Variants in SH3PXD2A observed in about 807,000 individuals in gnomAD.
The protein encoded by SH3PXD2A is SH3 and PX domains 2A, also known as SH3 and PX domain-containing protein 2A.
SH3PXD2A carries 32 observed loss-of-function variants against 115.2 expected under a neutral mutation model. The observed-to-expected ratio is 0.28, with a 90% CI of 0.21 to 0.37. The LOEUF (loss-of-function observed/expected upper bound fraction) is 0.37, where lower values mean the gene tolerates loss of function less well. SH3PXD2A is among the 10% of genes least tolerant of loss of function. The pLI, the probability that SH3PXD2A is intolerant of heterozygous loss-of-function variation, is 1.00. For synonymous variants in SH3PXD2A, 610 were observed against 629.1 expected, an observed-to-expected ratio of 0.97 and a Z score of 0.45; for missense variants, 1,328 against 1,498.7, an observed-to-expected ratio of 0.89 and a Z score of 1.88.
intron 7 of SH3PXD2A, among the ~76,000 whole-genome samples, chr10:103,662,854 G>C (rs1352542497): frequency 6.6e-6 from 1 of 152,104 alleles, no homozygotes; most frequent in African/African-American, 2.4e-5. Context: ...GCCCAGGCTG[G>C]AATGCAGTGG....
chr10:103,812,093 C>T (rs2039276671), intron 1 of SH3PXD2A, among the ~76,000 whole-genome samples: 1 of 152,248 alleles, frequency 6.6e-6, no homozygotes, highest in Non-Finnish European at 1.5e-5. Flanking sequence ...GAGTTCTGGG[C>T]ATGTCACCAC....
At chr10:103,683,183 G>A (rs2037633113) in intron 6 of SH3PXD2A, among the ~76,000 whole-genome samples, 1 of 152,002 alleles carries the variant, frequency 6.6e-6, no homozygotes, top group Non-Finnish European at 1.5e-5. Flanking sequence ...AACAAAGCGA[G>A]ACCCTGTTTC....
chr10:103,708,391 G>T (rs767085373), intron 5 of SH3PXD2A, among the ~76,000 whole-genome samples: 1 of 152,150 alleles, frequency 6.6e-6, no homozygotes, highest in African/African-American at 2.4e-5. Context: ...TCAGTGGGAG[G>T]TTGGAGCCCA....
chr10:103,628,625 A>G (rs1041455782), intron 8 of SH3PXD2A, among the ~76,000 whole-genome samples: 1 of 152,136 alleles, frequency 6.6e-6, no homozygotes, highest in African/African-American at 2.4e-5. Context: ...GAGAGGTAAC[A>G]GGATCACTTC....
intron 2 of SH3PXD2A, among the ~76,000 whole-genome samples, chr10:103,776,334 A>C (rs2038877418): frequency 6.7e-6 from 1 of 150,320 alleles, no homozygotes; most frequent in African/African-American, 2.5e-5. Flanking sequence ...TTGAGGCTGC[A>C]GTGAGCCATG....
At chr10:103,833,375 T>C (rs2134306550) in intron 1 of SH3PXD2A, among the ~76,000 whole-genome samples, 1 of 152,298 alleles carries the variant, frequency 6.6e-6, no homozygotes, top group Admixed American at 6.5e-5. Context: ...AACTGACCCA[T>C]CTGACATAAA....
intron 6 of SH3PXD2A, among the ~76,000 whole-genome samples, chr10:103,675,817 T>G (rs1056891111): frequency 4.6e-5 from 7 of 152,130 alleles, no homozygotes; most frequent in African/African-American, 1.7e-4. Context: ...CTGAGGTGGG[T>G]GGATCATCTG....
intron 3 of SH3PXD2A, among the ~76,000 whole-genome samples, chr10:103,751,244 C>A (rs540876212): frequency 3.9e-5 from 6 of 152,314 alleles, no homozygotes; most frequent in African/African-American, 1.4e-4. Flanking sequence ...ATAGATAGGT[C>A]ATTCAGTCAT....
intron 1 of SH3PXD2A, 117 bp from the exon 2 acceptor site, chr10:103,801,479 C>G: frequency 1.5e-6 from 1 of 660,170 alleles, no homozygotes; most frequent in Non-Finnish European, 2.8e-6. Flanking sequence ...TTACTCATCT[C>G]ATCTGTCCCT....
At chr10:103,688,352 C>G (rs887917003) in intron 6 of SH3PXD2A, among the ~76,000 whole-genome samples, 3 of 152,210 alleles carry the variant, frequency 2.0e-5, no homozygotes, top group Non-Finnish European at 4.4e-5. Context: ...CCAGTGGACC[C>G]TGGGGCTGGT....
chr10:103,744,672 T>C (rs1236530991), intron 3 of SH3PXD2A, among the ~76,000 whole-genome samples: 1 of 152,118 alleles, frequency 6.6e-6, no homozygotes, highest in African/African-American at 2.4e-5. Flanking sequence ...TTTGTTGCCA[T>C]TTACTTGGGC....
At chr10:103,631,137 C>T (rs1313717287) in intron 8 of SH3PXD2A, among the ~76,000 whole-genome samples, 1 of 152,134 alleles carries the variant, frequency 6.6e-6, no homozygotes, top group Non-Finnish European at 1.5e-5. Flanking sequence ...TAGTAGCACA[C>T]ACCTGTAGTC....
At chr10:103,755,169 C>T (rs1274420728) in intron 3 of SH3PXD2A, 1 of 152,182 alleles carries the variant, frequency 6.6e-6, no homozygotes, top group Non-Finnish European at 1.5e-5. Context: ...AGAGACCTCA[C>T]TCTTGGAAGG....
chr10:103,713,823 G>C (rs1431402004), intron 5 of SH3PXD2A, among the ~76,000 whole-genome samples: 1 of 152,238 alleles, frequency 6.6e-6, no homozygotes, highest in African/African-American at 2.4e-5. Flanking sequence ...GGAGGAGCCA[G>C]GGTTTGCCAG....
Position 103,648,351 on chromosome 10 carries a change from G to T in SH3PXD2A, c.604+12632C>A, listed in dbSNP as rs968405853. ...TGCTTTCATGGCTCTTGTTTAACTT[G>T]AGAAGGACGGGGGAGGGGGCCAAGG... is the stretch of plus-strand genomic sequence containing the variant. On this transcript the variant is annotated intron_variant, in intron 8 of 14. Transcript: ENST00000369774. Among the ~76,000 whole-genome samples, 7 of 152,278 alleles carry T rather than the reference G, an allele frequency of 4.6e-5. No homozygotes were observed. In the East Asian group the frequency reaches 1.3e-3, roughly 29 times the overall value.
intron 2 of SH3PXD2A, among the ~76,000 whole-genome samples, chr10:103,788,430 A>G (rs532037134): frequency 7.9e-5 from 12 of 152,336 alleles, no homozygotes; most frequent in Middle Eastern, 3.4e-3. Flanking sequence ...GACTCCCACA[A>G]GTCCTTTGGA....
intron 5 of SH3PXD2A, among the ~76,000 whole-genome samples, chr10:103,705,007 A>C (rs1163641810): frequency 6.6e-6 from 1 of 152,144 alleles, no homozygotes; most frequent in East Asian, 1.9e-4. Context: ...GGGGCCATCC[A>C]GGAACCCTAG....
chr10:103,611,150 G>T (rs1341711872), intron 13 of SH3PXD2A, among the ~76,000 whole-genome samples: 1 of 152,182 alleles, frequency 6.6e-6, no homozygotes, highest in Non-Finnish European at 1.5e-5. Flanking sequence ...GACGTTCACT[G>T]ATCTGCCCTC....
At position 103,855,391 on chromosome 10, in the gene SH3PXD2A, C is replaced by T. The variant is rs1175134474; in HGVS notation, c.-125G>A. The T allele has an allele frequency of 3.1e-6, 2 of 638,426 alleles. No homozygotes were observed. Among genetic ancestry groups the T allele is most frequent in the Non-Finnish European group, 4.8e-6 (2 of 416,758 alleles). 39.5% of individuals were successfully genotyped at this position (638,426 alleles called of 1,614,324 possible). ...CCACCCCGGCCCGGCGCGCCGAACG[C>T]TGCCCGGACTCCCGGCGCCCACAGG... On this transcript the variant is annotated 5_prime_UTR_variant, in exon 1 of 15. Coordinates refer to ENST00000369774, the MANE Select transcript of SH3PXD2A (RefSeq NM_001394015.1).
Sources: allele counts gnomAD v4.1 joint callset (sites outside exome capture counted in the v4.1 genomes callset), GRCh38; gene constraint gnomAD v4.1.1; transcripts MANE v1.5; gene names NCBI Gene and HGNC (gene_info 2026-07-23, HGNC 2026-07-21).